Variants in ARAP2 observed in about 807,000 individuals in gnomAD.
ARAP2 encodes ArfGAP with RhoGAP domain, ankyrin repeat and PH domain 2.
ARAP2 carries 148 observed loss-of-function variants against 194.5 expected under a neutral mutation model. The ratio of observed to expected loss-of-function variants is 0.76; its 90% CI spans 0.67 to 0.87. The LOEUF (loss-of-function observed/expected upper bound fraction) is 0.87, where lower values mean the gene tolerates loss of function less well. Among genes scored for constraint, ARAP2 ranks in the 40% least tolerant of loss-of-function variants. The probability of loss-of-function intolerance (pLI) is 0.00; values close to 1 mark genes in which losing one functional copy is unlikely to be tolerated. For synonymous variants in ARAP2, 695 were observed against 683.5 expected (o/e 1.02, Z -0.26); for missense variants, 2,128 against 1,989.7 (o/e 1.07, Z -1.32).
intron 26 of ARAP2, among the ~76,000 whole-genome samples, chr4:36,111,875 T>C (rs888448060): frequency 5.3e-5 from 8 of 152,092 alleles, no homozygotes; most frequent in African/African-American, 1.7e-4. Flanking sequence ...CACACAGATA[T>C]ACTTTAGTGT....
intron 21 of ARAP2, among the ~76,000 whole-genome samples, chr4:36,127,421 T>G (rs1464665741): frequency 3.3e-5 from 5 of 152,038 alleles, no homozygotes; most frequent in Admixed American, 2.6e-4. Context: ...GAAGCTTTAT[T>G]TTCATTATAA....
intron 26 of ARAP2, among the ~76,000 whole-genome samples, chr4:36,112,998 G>A (rs1398907426): frequency 6.6e-6 from 1 of 151,832 alleles, no homozygotes; most frequent in Non-Finnish European, 1.5e-5. Flanking sequence ...AAAACCCAAT[G>A]TTTAGAAAAC....
chr4:36,045,010 A>G (rs1483558370), intron 5 of ARAP2, among the ~76,000 whole-genome samples: 1 of 152,192 alleles, frequency 6.6e-6, no homozygotes, highest in Non-Finnish European at 1.5e-5. Flanking sequence ...TTTTCAACTC[A>G]TCATACCTGT....
At chr4:36,167,184 A>C in intron 9 of ARAP2, 137 bp from the exon 10 acceptor site, 2 of 583,072 alleles carry the variant, frequency 3.4e-6, no homozygotes, top group African/African-American at 1.9e-5. Flanking sequence ...AGCCACTCTC[A>C]ATACATAATA....
intron 8 of ARAP2, among the ~76,000 whole-genome samples, chr4:36,185,170 A>C (rs1166560691): frequency 6.6e-6 from 1 of 152,196 alleles, no homozygotes; most frequent in African/African-American, 2.4e-5. Context: ...GACTTTATTT[A>C]CCAAAACAGG....
Position 36,166,236 on chromosome 4 carries a change from A to G in ARAP2, c.1973+696T>C, listed in dbSNP as rs184478232. Among the ~76,000 whole-genome samples, 313 of 152,234 alleles carry G rather than the reference A, an allele frequency of 2.1e-3. 2 individuals carry two copies. The highest frequency in any genetic ancestry group is 0.011 in the South Asian group (51 of 4,828). ...TAGAACAATTGCCTCTGACTTGCCC[A>G]CTACCACGTGATGTTGATTATTTAT... On this transcript the variant is annotated intron_variant, in intron 10 of 32. Coordinates refer to ENST00000303965, the MANE Select transcript of ARAP2 (RefSeq NM_015230.4).
rs754428866 is a variant in ARAP2, at chr4:36,228,676, G to A, written c.811C>T (p.Arg271Cys). Residue 271 changes from arginine to cysteine, a missense_variant, in exon 2 of 33, where the codon CGT becomes TGT. Arg to Cys is a radical substitution (Grantham distance 180, BLOSUM62 -3). Coordinates refer to ENST00000303965, the MANE Select transcript of ARAP2 (RefSeq NM_015230.4). ...GATGGTCTTGAAACCAACTTGCTAC[G>A]ACTTCTCACAGGTGCTAGGATTGGT... is the stretch of plus-strand genomic sequence containing the variant. ...SSPILAPVRS[R>C]SKLVSRPSRS... is the part of the protein sequence containing the mutation. 38 of 1,613,876 alleles carry A rather than the reference G, an allele frequency of 2.4e-5. No individual in the cohort carries two copies. The highest frequency in any genetic ancestry group is 2.0e-4 in the Admixed American group (12 of 59,974).
chr4:36,146,469 T>G (rs980567497), intron 19 of ARAP2, among the ~76,000 whole-genome samples: 1 of 151,930 alleles, frequency 6.6e-6, no homozygotes, highest in African/African-American at 2.4e-5. Flanking sequence ...TTCTTCCCAC[T>G]CTCTCTTTCA....
At chr4:36,063,281 G>A (rs1166476069), downstream of ARAP2, among the ~76,000 whole-genome samples, 1 of 152,066 alleles carries the variant, frequency 6.6e-6, no homozygotes, top group African/African-American at 2.4e-5. Flanking sequence ...ACACAGGGCT[G>A]GGAACATCAC....
intron 8 of ARAP2, among the ~76,000 whole-genome samples, chr4:36,181,468 G>C (rs1034791570): frequency 1.3e-5 from 2 of 151,978 alleles, no homozygotes; most frequent in Non-Finnish European, 2.9e-5. Flanking sequence ...TTAGCAGTAG[G>C]CATACTCCTT....
rs762601676 is a variant in ARAP2 at position 36,147,643 on chromosome 4, C to T, written c.3104G>A (p.Gly1035Asp). ...DCHALDQWRKGWFAMDKSSLH... is the reference protein window; with the variant it reads ...DCHALDQWRKDWFAMDKSSLH... ...GCTGGATTTGTCCATAGCAAACCAG[C>T]CTTTTCTCCACTGATCCAGGGCATG... Residue 1035 changes from glycine (G) to aspartate (D), a missense_variant, in exon 18 of 33, where the codon GGC (glycine) becomes GAC (aspartate). Physicochemically the swap from Gly to Asp is moderately conservative, Grantham distance 94 (BLOSUM62 -1). Transcript: ENST00000303965. 8.1e-6 allele frequency: 13 copies of T among 1,613,400 alleles called. No homozygotes were observed. The Admixed American group carries it at 2.0e-4, about 25-fold the overall frequency.
intron 17 of ARAP2, 56 bp downstream of exon 17, chr4:36,148,349 G>T: frequency 1.5e-6 from 2 of 1,326,660 alleles, no homozygotes; most frequent in South Asian, 2.5e-5. Context: ...CTCAAACACA[G>T]ACTCCCAGTT....
intron 21 of ARAP2, among the ~76,000 whole-genome samples, chr4:36,125,478 C>G (rs1723660119): frequency 6.6e-6 from 1 of 151,954 alleles, no homozygotes. Flanking sequence ...CTGTACAGTA[C>G]CCCTTCGATC....
At position 36,148,454 on chromosome 4, in the gene ARAP2, C is replaced by A. The variant is rs2109709111; in HGVS notation, c.2951G>T (p.Gly984Val). Reference sequence around the variant, plus strand: ...TCTTTGAGCTTGAGATGTTTCAGCTCCAAATAAAAACACACGTTCGGAGGG... The same window carrying A: ...TCTTTGAGCTTGAGATGTTTCAGCTACAAATAAAAACACACGTTCGGAGGG... ...YLPSERVFLF[G>V]AETSQAQRKW... The change falls in exon 17 of 33, where the codon GGA becomes GTA. Residue 984 changes from glycine to valine, a missense_variant. Coordinates refer to ENST00000303965, the MANE Select transcript of ARAP2 (RefSeq NM_015230.4). 6.2e-7 allele frequency: 1 copy of A among 1,613,056 alleles called. No individual in the cohort carries two copies. The highest frequency in any genetic ancestry group is 8.5e-7 in the Non-Finnish European group (1 of 1,179,442).
At chr4:36,179,065 G>A (rs369193564) in intron 8 of ARAP2, among the ~76,000 whole-genome samples, 3 of 152,080 alleles carry the variant, frequency 2.0e-5, no homozygotes, top group African/African-American at 7.2e-5. Flanking sequence ...TGGGAAATAT[G>A]ACCAGGGAAT....
intron 6 of ARAP2, among the ~76,000 whole-genome samples, chr4:36,208,413 C>A (rs144013711): frequency 6.6e-6 from 1 of 152,280 alleles, no homozygotes; most frequent in Non-Finnish European, 1.5e-5. Flanking sequence ...GCAACAGAGA[C>A]CATTTGACTA....
At chr4:36,131,254 T>C (rs1024657400) in intron 20 of ARAP2, among the ~76,000 whole-genome samples, 2 of 151,430 alleles carry the variant, frequency 1.3e-5, no homozygotes, top group Non-Finnish European at 3.0e-5. Context: ...CATACTATCA[T>C]AGCAGGAAGC....
intron 27 of ARAP2, among the ~76,000 whole-genome samples, chr4:36,106,354 C>T (rs1415980048): frequency 6.6e-6 from 1 of 151,880 alleles, no homozygotes; most frequent in Non-Finnish European, 1.5e-5. Flanking sequence ...TACATTTCTA[C>T]AGTATAAAGA....
At position 36,067,908 on chromosome 4, in the gene ARAP2, T is replaced by C. The variant is rs762059128; in HGVS notation, c.5114A>G (p.Ter1705TrpextTer4). The C allele has an allele frequency of 3.2e-6, 5 of 1,565,624 alleles. No individual in the cohort carries two copies. The South Asian group carries it at 5.9e-5, about 19-fold the overall frequency. The change falls in exon 33 of 33, where the codon TAG (stop) becomes TGG (tryptophan). Residue 1705 changes from the stop codon to tryptophan, a stop_lost. Transcript: ENST00000303965. ...KELQDEQILK[*>W] is the part of the protein sequence containing the mutation. Reference sequence around the variant, plus strand: ...CTGGGGAGCAATTCATTTTATTTCCTACTTCAAAATCTGCTCATCCTGTAA... The same window carrying C: ...CTGGGGAGCAATTCATTTTATTTCCCACTTCAAAATCTGCTCATCCTGTAA...
Sources: gnomAD v4.1 joint callset for allele counts (sites outside exome capture counted in the v4.1 genomes callset) on GRCh38, gnomAD v4.1.1 for gene constraint, MANE v1.5 for transcripts, NCBI Gene and HGNC (gene_info 2026-07-23, HGNC 2026-07-21) for gene names.